The following CNTN4 variants were observed in gnomAD, a reference collection of about 807,000 sequenced individuals.
CNTN4 encodes contactin-4.
A neutral mutation model predicts 122.5 loss-of-function variants in CNTN4; 77 were observed. That is an observed-to-expected ratio of 0.63 (90% CI 0.52 to 0.76). CNTN4 has a LOEUF of 0.76. Ranked by LOEUF, CNTN4 falls within the 30% of genes least tolerant of loss-of-function variation. CNTN4 has a pLI of 0.00. For synonymous variants in CNTN4, 512 were observed against 447.0 expected (o/e 1.15, Z -1.83); for missense variants, 1,256 against 1,259.1 (o/e 1.00, Z 0.04).
chr3:2,786,934 A>T (rs971342762), intron 6 of CNTN4, among the ~76,000 whole-genome samples: 3 of 152,202 alleles, frequency 2.0e-5, no homozygotes, highest in African/African-American at 7.2e-5. Context: ...TCAGTAATTT[A>T]TACAAATGGT....
chr3:2,172,495 C>T (rs1348586206), intron 2 of CNTN4, among the ~76,000 whole-genome samples: 1 of 152,004 alleles, frequency 6.6e-6, no homozygotes, highest in Non-Finnish European at 1.5e-5. Context: ...CGGAAATCAC[C>T]ACTGAAGGAC....
intron 6 of CNTN4, among the ~76,000 whole-genome samples, chr3:2,777,393 G>A (rs552283965): frequency 1.3e-4 from 20 of 152,268 alleles, no homozygotes; most frequent in Middle Eastern, 3.4e-3. Context: ...ACTTCTAAGA[G>A]TGTGTTTGTA....
chr3:2,863,478 G>T (rs1361438449), intron 7 of CNTN4, among the ~76,000 whole-genome samples: 2 of 125,482 alleles, frequency 1.6e-5, no homozygotes, highest in South Asian at 2.8e-4. Flanking sequence ...CATAAGAAAT[G>T]GTTACGCTGT....
At chr3:2,495,655 A>T (rs1294781180) in intron 3 of CNTN4, among the ~76,000 whole-genome samples, 1 of 152,134 alleles carries the variant, frequency 6.6e-6, no homozygotes, top group Non-Finnish European at 1.5e-5. Context: ...TGCGAACCCT[A>T]TTGTGAACTG....
intron 3 of CNTN4, among the ~76,000 whole-genome samples, chr3:2,484,121 A>G (rs1034533175): frequency 6.6e-5 from 10 of 152,220 alleles, no homozygotes; most frequent in Non-Finnish European, 1.2e-4. Context: ...TCAGGAAACA[A>G]ACAACAAATT....
chr3:2,620,559 A>T (rs1490587895), intron 4 of CNTN4, among the ~76,000 whole-genome samples: 1 of 152,132 alleles, frequency 6.6e-6, no homozygotes, highest in African/African-American at 2.4e-5. Flanking sequence ...AGAATAGGTT[A>T]TATCATAAAA....
chr3:2,565,484 G>C (rs74573273), intron 3 of CNTN4, among the ~76,000 whole-genome samples: 21,805 of 152,014 alleles, frequency 0.14, 1,768 homozygotes, highest in Middle Eastern at 0.25. Flanking sequence ...TATCCAAGAA[G>C]AACCTATAGG....
intron 12 of CNTN4, among the ~76,000 whole-genome samples, chr3:2,915,972 A>G (rs566329396): frequency 1.3e-5 from 2 of 152,348 alleles, no homozygotes; most frequent in Middle Eastern, 3.4e-3. Context: ...GATGTCTAAC[A>G]TAGTCAAACT....
intron 3 of CNTN4, among the ~76,000 whole-genome samples, chr3:2,421,501 C>G (rs1482137553): frequency 6.6e-6 from 1 of 152,202 alleles, no homozygotes; most frequent in Non-Finnish European, 1.5e-5. Context: ...ATCTGCCCAC[C>G]TTGGTCTTCC....
intron 2 of CNTN4, among the ~76,000 whole-genome samples, chr3:2,290,151 A>G (rs1184767545): frequency 6.6e-6 from 1 of 152,194 alleles, no homozygotes; most frequent in African/African-American, 2.4e-5. Context: ...CAGTTTCTAG[A>G]CAGTAAACAA....
chr3:2,576,442 G>A (rs1435093108), intron 4 of CNTN4, among the ~76,000 whole-genome samples: 1 of 152,094 alleles, frequency 6.6e-6, no homozygotes, highest in Non-Finnish European at 1.5e-5. Context: ...AAAAGTCGAT[G>A]TAAATATCTA....
chr3:2,667,778 A>C (rs1214574025), intron 4 of CNTN4, among the ~76,000 whole-genome samples: 1 of 150,262 alleles, frequency 6.7e-6, no homozygotes, highest in Non-Finnish European at 1.5e-5. Flanking sequence ...ATAAGGTGTA[A>C]GGAAGGGATC....
At chr3:3,026,404 G>A (rs1559803812) in intron 15 of CNTN4, 127 bp downstream of exon 15, 8 of 792,092 alleles carry the variant, frequency 1.0e-5, no homozygotes, top group Non-Finnish European at 1.7e-5. Context: ...GTTAATTCCT[G>A]CTCCTTTTTG....
intron 3 of CNTN4, among the ~76,000 whole-genome samples, chr3:2,389,945 G>T (rs888944402): frequency 6.6e-6 from 1 of 152,118 alleles, no homozygotes; most frequent in African/African-American, 2.4e-5. Context: ...TTGAGGAACT[G>T]TTCAAGATTA....
At chr3:2,139,354 TTAAA>T (rs2034873417) in intron 2 of CNTN4, among the ~76,000 whole-genome samples, 1 of 152,202 alleles carries the variant, frequency 6.6e-6, no homozygotes, top group Admixed American at 6.5e-5. Flanking sequence ...TATTTTTTTC[TTAAA>T]TAACCACTAT....
chr3:2,484,539 C>T (rs1160281415), intron 3 of CNTN4, among the ~76,000 whole-genome samples: 1 of 152,128 alleles, frequency 6.6e-6, no homozygotes, highest in Admixed American at 6.5e-5. Context: ...AATACTGGCT[C>T]CTATAGGGGA....
chr3:2,821,246 T>C (rs963731848), intron 7 of CNTN4, among the ~76,000 whole-genome samples: 1 of 152,134 alleles, frequency 6.6e-6, no homozygotes, highest in Admixed American at 6.5e-5. Context: ...CATGAGTCAC[T>C]GCACCTGGCT....
At chr3:2,492,133 G>A (rs1175601868) in intron 3 of CNTN4, among the ~76,000 whole-genome samples, 1 of 152,162 alleles carries the variant, frequency 6.6e-6, no homozygotes, top group Non-Finnish European at 1.5e-5. Context: ...CTGAAGGCAG[G>A]AAATGTTGCC....
At chr3:2,730,937 A>G (rs1472391977) in intron 4 of CNTN4, among the ~76,000 whole-genome samples, 19 of 152,104 alleles carry the variant, frequency 1.2e-4, no homozygotes, top group Non-Finnish European at 2.6e-4. Context: ...AATAGAGATC[A>G]TTGATGTTCC....
Sources: allele counts gnomAD v4.1 joint callset (sites outside exome capture counted in the v4.1 genomes callset), GRCh38; gene constraint gnomAD v4.1.1; transcripts MANE v1.5; gene names NCBI Gene and HGNC (gene_info 2026-07-23, HGNC 2026-07-21).